The following CDH8 variants were observed in gnomAD, a reference collection of about 807,000 sequenced individuals.
CDH8 encodes cadherin 8.
Under a neutral mutation model 68.1 loss-of-function variants are expected in CDH8, and 17 were observed. That is an observed-to-expected ratio of 0.25 (90% CI 0.17 to 0.37). The LOEUF (loss-of-function observed/expected upper bound fraction) is 0.37. CDH8 is among the 10% of genes least tolerant of loss of function. The probability of loss-of-function intolerance (pLI) is 1.00; values close to 1 mark genes in which losing one functional copy is unlikely to be tolerated. For missense variants in CDH8, 763 were observed against 999.3 expected (o/e 0.76, Z 3.19); for synonymous variants, 372 against 365.1 (o/e 1.02, Z -0.21).
chr16:61,679,606 G>T (rs1963975842), intron 10 of CDH8, among the ~76,000 whole-genome samples: 1 of 151,926 alleles, frequency 6.6e-6, no homozygotes, highest in East Asian at 1.9e-4. Context: ...TATCTCAAAT[G>T]ATCAATGTTT....
At chr16:61,729,608 C>T (rs901149614) in intron 8 of CDH8, among the ~76,000 whole-genome samples, 7 of 151,110 alleles carry the variant, frequency 4.6e-5, no homozygotes, top group African/African-American at 7.3e-5. Flanking sequence ...CAAGAATTGC[C>T]GGTTATTCCT....
chr16:61,771,704 T>TACAC (rs966946321), intron 8 of CDH8, among the ~76,000 whole-genome samples: 9 of 151,872 alleles, frequency 5.9e-5, no homozygotes, highest in Non-Finnish European at 8.8e-5. Context: ...TATATATATG[T>TACAC]ACACACACCC....
chr16:61,733,055 T>C (rs1959578703), intron 8 of CDH8, among the ~76,000 whole-genome samples: 1 of 151,788 alleles, frequency 6.6e-6, no homozygotes, highest in Non-Finnish European at 1.5e-5. Context: ...TTATATAAAG[T>C]AATAATTATA....
At chr16:61,838,972 C>T (rs1962627163) in intron 4 of CDH8, among the ~76,000 whole-genome samples, 1 of 152,038 alleles carries the variant, frequency 6.6e-6, no homozygotes, top group African/African-American at 2.4e-5. Context: ...ATATACTTTT[C>T]CTGCTTCTTG....
At chr16:61,858,068 AACACAC>A (rs371499529) in intron 3 of CDH8, among the ~76,000 whole-genome samples, 1 of 148,864 alleles carries the variant, frequency 6.7e-6, no homozygotes, top group Non-Finnish European at 1.5e-5. Context: ...TAAATAATCA[AACACAC>A]ACACACACAC....
chr16:61,844,859 C>T (rs1018791442), intron 4 of CDH8, among the ~76,000 whole-genome samples: 1 of 152,126 alleles, frequency 6.6e-6, no homozygotes, highest in Non-Finnish European at 1.5e-5. Flanking sequence ...CAATAACAAT[C>T]TTGTACAGTT....
chr16:61,733,144 T>C (rs1596911740), intron 8 of CDH8, among the ~76,000 whole-genome samples: 1 of 151,792 alleles, frequency 6.6e-6, no homozygotes, highest in Admixed American at 6.6e-5. Flanking sequence ...GGGAAGGCAA[T>C]AGAACTATAT....
At chr16:61,701,085 G>C (rs920223762) in intron 10 of CDH8, among the ~76,000 whole-genome samples, 2 of 152,158 alleles carry the variant, frequency 1.3e-5, no homozygotes, top group African/African-American at 4.8e-5. Flanking sequence ...ATTAGAGTTT[G>C]GGCTTTGGGT....
chr16:61,879,228 A>G (rs1963523881), intron 3 of CDH8, among the ~76,000 whole-genome samples: 1 of 152,232 alleles, frequency 6.6e-6, no homozygotes, highest in South Asian at 2.1e-4. Context: ...AAGTAAAAGA[A>G]TGTTCTTGTT....
chr16:61,762,677 G>A lies in CDH8; in HGVS notation c.1414+26669C>T, dbSNP rs144921688. ...TCTGTAATAGTCCTTCCAGGTGAGCGTGCTACATGCTAAACTTTCAGAGAC... is the reference window on the plus strand; with the variant it reads ...TCTGTAATAGTCCTTCCAGGTGAGCATGCTACATGCTAAACTTTCAGAGAC... On this transcript the variant is annotated intron_variant, in intron 8 of 11. Transcript: ENST00000577390. 5.5e-3 allele frequency among the ~76,000 whole-genome samples: 837 copies of A among 152,234 alleles called. 5 individuals are homozygous for A. The highest frequency in any genetic ancestry group is 8.7e-3 in the Non-Finnish European group (589 of 68,016).
chr16:61,955,459 CAG>C (rs1964971266), intron 2 of CDH8, among the ~76,000 whole-genome samples: 2 of 152,166 alleles, frequency 1.3e-5, no homozygotes, highest in Admixed American at 1.3e-4. Context: ...TACATGGCTG[CAG>C]AGGAGTCTCT....
At chr16:61,852,454 T>G (rs767490918) in intron 4 of CDH8, among the ~76,000 whole-genome samples, 5 of 152,098 alleles carry the variant, frequency 3.3e-5, no homozygotes, top group African/African-American at 4.8e-5. Context: ...CCCAGAACCT[T>G]TCTATCTCCT....
intron 10 of CDH8, among the ~76,000 whole-genome samples, chr16:61,689,078 G>A (rs923646634): frequency 1.3e-5 from 2 of 152,100 alleles, no homozygotes; most frequent in Non-Finnish European, 1.5e-5. Context: ...ATAAGGAAGA[G>A]CAGGAAATGA....
chr16:61,976,874 A>G (rs1424866870), intron 2 of CDH8, among the ~76,000 whole-genome samples: 1 of 152,188 alleles, frequency 6.6e-6, no homozygotes, highest in Admixed American at 6.5e-5. Flanking sequence ...TTCATTGGGG[A>G]ATTCATCAGC....
chr16:61,866,690 G>A (rs573761789), intron 3 of CDH8, among the ~76,000 whole-genome samples: 1 of 151,976 alleles, frequency 6.6e-6, no homozygotes, highest in Non-Finnish European at 1.5e-5. Flanking sequence ...TACACAGGAA[G>A]AGAATGTTTT....
chr16:61,813,253 T>C (rs1961992222), intron 7 of CDH8, among the ~76,000 whole-genome samples: 1 of 152,164 alleles, frequency 6.6e-6, no homozygotes, highest in Non-Finnish European at 1.5e-5. Context: ...TAGGCCCAGT[T>C]GACGAGTTAC....
chr16:61,923,844 T>C (rs1332468696), intron 2 of CDH8, among the ~76,000 whole-genome samples: 1 of 147,702 alleles, frequency 6.8e-6, no homozygotes, highest in East Asian at 1.9e-4. Context: ...TATATATTTG[T>C]GTATATATTT....
At chr16:62,005,668 G>A (rs769098179) in intron 2 of CDH8, among the ~76,000 whole-genome samples, 73 of 151,306 alleles carry the variant, frequency 4.8e-4, no homozygotes, top group Non-Finnish European at 7.7e-4. Context: ...CCCGGGAGGC[G>A]GAGTTTGCAG....
intron 3 of CDH8, among the ~76,000 whole-genome samples, chr16:61,887,699 A>C (rs1845628255): frequency 6.6e-6 from 1 of 152,144 alleles, no homozygotes; most frequent in Admixed American, 6.5e-5. Context: ...AGATACTAAG[A>C]GTTATGGATT....
Sources: allele counts gnomAD v4.1 joint callset (sites outside exome capture counted in the v4.1 genomes callset), GRCh38; gene constraint gnomAD v4.1.1; transcripts MANE v1.5; gene names NCBI Gene and HGNC (gene_info 2026-07-23, HGNC 2026-07-21).